The following SPAG5 variants were observed in gnomAD, a reference collection of about 807,000 sequenced individuals.
The protein encoded by SPAG5 is sperm associated antigen 5, also known as sperm-associated antigen 5.
A neutral mutation model predicts 145.4 loss-of-function variants in SPAG5; 99 were observed. The ratio of observed to expected loss-of-function variants is 0.68; its 90% CI spans 0.58 to 0.80. SPAG5 has a LOEUF of 0.80. Ranked by LOEUF, SPAG5 falls within the 30% of genes least tolerant of loss-of-function variation. The pLI, the probability that SPAG5 is intolerant of heterozygous loss-of-function variation, is 0.00. For synonymous variants in SPAG5, 477 were observed against 525.4 expected (o/e 0.91, Z 1.26); for missense variants, 1,192 against 1,416.0 (o/e 0.84, Z 2.54).
intron 10 of SPAG5, 151 bp from the exon 11 acceptor site, chr17:28,584,896 T>A (rs1006058663): frequency 1.3e-6 from 1 of 786,784 alleles, no homozygotes. Flanking sequence ...CAGGAAAAAG[T>A]AGAGACAGGA....
rs2070636616 is a variant in SPAG5, at chr17:28,593,193, G to A, written c.178-127C>T. The A allele has an allele frequency of 4.8e-6, 6 of 1,239,648 alleles. No individual in the cohort carries two copies. In the South Asian group the frequency reaches 7.6e-5, roughly 16 times the overall value. The allele number at this position is 1,239,648 out of a possible 1,614,324, so 76.8% of individuals were successfully genotyped here. On this transcript the variant is annotated intron_variant, in intron 2 of 23. Coordinates refer to ENST00000321765, the MANE Select transcript of SPAG5 (RefSeq NM_006461.4). ...ACTACCTCTGCTTAGGTAAGAACTT[G>A]GCTAATCTTTGTTGCTCATATAGAG...
Position 28,591,981 on chromosome 17 carries a change from C to T in SPAG5, c.1262+1G>A, listed in dbSNP as rs909345081. 2.5e-6 allele frequency: 4 copies of T among 1,613,338 alleles called. No individual in the cohort carries two copies. Among genetic ancestry groups the T allele is most frequent in the Non-Finnish European group, 3.4e-6 (4 of 1,179,516 alleles). ...AGGTGCAAGGACATAGGGGCGCTTA[C>T]CCACACAGGAGCTGCTCTGTCTCAG... On this transcript the variant is annotated splice_donor_variant, in intron 3 of 23. Transcript: ENST00000321765. LOFTEE classifies it high-confidence loss of function.
intron 4 of SPAG5, among the ~76,000 whole-genome samples, chr17:28,588,134 T>G (rs1470094262): frequency 6.6e-6 from 1 of 152,194 alleles, no homozygotes; most frequent in Non-Finnish European, 1.5e-5. Flanking sequence ...AGCAAAGCAG[T>G]TATCATTCAC....
chr17:28,590,369 C>T (rs2070612011), intron 4 of SPAG5, among the ~76,000 whole-genome samples: 1 of 152,060 alleles, frequency 6.6e-6, no homozygotes, highest in Non-Finnish European at 1.5e-5. Context: ...GCTGGGACTA[C>T]AGGCACACAC....
Position 28,591,731 on chromosome 17 carries a change from G to A in SPAG5, c.1404C>T (p.Asp468=), listed in dbSNP as rs2070621985. The change falls in exon 4 of 24, where the codon GAC becomes GAT. Residue 468 remains aspartate, a synonymous_variant. Coordinates refer to ENST00000321765, the MANE Select transcript of SPAG5 (RefSeq NM_006461.4). Reference sequence around the variant, plus strand: ...GAGATGTGTCAGTCTGTGTGCTACTGTCCTGGGTTTCTGGGTGAGGGACAG... The same window carrying A: ...GAGATGTGTCAGTCTGTGTGCTACTATCCTGGGTTTCTGGGTGAGGGACAG... ...QLAVPHPETQ[D]SSTQTDTSHS... The A allele has an allele frequency of 1.2e-6, 2 of 1,613,966 alleles. No individual in the cohort carries two copies. The highest frequency in any genetic ancestry group is 3.3e-5 in the Admixed American group (2 of 59,994).
rs370823173 is a variant in SPAG5, at chr17:28,591,738, G to A, written c.1397C>T (p.Thr466Ile). Residue 466 changes from threonine (T) to isoleucine (I), a missense_variant, in exon 4 of 24, where the codon ACC (threonine) becomes ATC (isoleucine). By Grantham distance (89) the Thr-to-Ile change is moderately conservative. Coordinates refer to ENST00000321765, the MANE Select transcript of SPAG5 (RefSeq NM_006461.4). ...KSQLAVPHPE[T>I]QDSSTQTDTS... Reference sequence around the variant, plus strand: ...GTCAGTCTGTGTGCTACTGTCCTGGGTTTCTGGGTGAGGGACAGCCAGCTG... The same window carrying A: ...GTCAGTCTGTGTGCTACTGTCCTGGATTTCTGGGTGAGGGACAGCCAGCTG... 120 of 1,614,014 alleles carry A rather than the reference G, an allele frequency of 7.4e-5. No individual in the cohort carries two copies. The highest frequency in any genetic ancestry group is 1.0e-4 in the Non-Finnish European group (118 of 1,180,046).
rs368632960 is a variant in SPAG5 at position 28,585,233 on chromosome 17, C to T, written c.1954-18G>A. The T allele has an allele frequency of 2.9e-5, 47 of 1,613,026 alleles. 2 individuals are homozygous for T. In the African/African-American group the frequency reaches 4.7e-4, roughly 16 times the overall value. On this transcript the variant is annotated intron_variant, in intron 9 of 23. Transcript: ENST00000321765. ...GTTGTATACTACCAGGGGAAGCAAG[C>T]AGGTCAGTAGAGCACACTTGAGGCA...
At chr17:28,586,270 T>A in intron 5 of SPAG5, 88 bp from the exon 6 acceptor site, 2 of 1,275,508 alleles carry the variant, frequency 1.6e-6, no homozygotes, top group Non-Finnish European at 2.3e-6. Context: ...CTAACCCCAA[T>A]TCCAAGCTCC....
At chr17:28,586,563 G>C in intron 4 of SPAG5, 64 bp from the exon 5 acceptor site, 1 of 1,365,546 alleles carries the variant, frequency 7.3e-7, no homozygotes, top group Non-Finnish European at 1.0e-6. Flanking sequence ...ACAGAGTCTT[G>C]CTCTATCATC....
At chr17:28,577,846 G>T in intron 23 of SPAG5, 76 bp from the exon 24 acceptor site, 1 of 1,338,818 alleles carries the variant, frequency 7.5e-7, no homozygotes, top group Non-Finnish European at 1.1e-6. Flanking sequence ...GGAGGCAGCC[G>T]CTGAATTAGA....
Position 28,585,122 on chromosome 17 carries a change from C to G in SPAG5, c.2047G>C (p.Ala683Pro). 6.2e-7 allele frequency: 1 copy of G among 1,614,182 alleles called. No homozygotes were observed. The highest frequency in any genetic ancestry group is 8.5e-7 in the Non-Finnish European group (1 of 1,180,012). Residue 683 changes from alanine (A) to proline (P), a missense_variant, in exon 10 of 24, where the codon GCA becomes CCA. Ala to Pro is a conservative substitution (Grantham distance 27). Coordinates refer to ENST00000321765, the MANE Select transcript of SPAG5 (RefSeq NM_006461.4). ...TGTACCTCCTGCTTTTCCTCAATTG[C>G]CACATCACGTTCCTGCAGGGCTTGC... ...SQQALQERDV[A>P]IEEKQEVSRV...
chr17:28,583,264 G>A (rs60853956), intron 15 of SPAG5, among the ~76,000 whole-genome samples: 2,193 of 152,330 alleles, frequency 0.014, 39 homozygotes, highest in African/African-American at 0.05. Flanking sequence ...GGAACAGCCA[G>A]AGTCTGGGTT....
chr17:28,583,070 C>T (rs2070558899), intron 15 of SPAG5, among the ~76,000 whole-genome samples: 4 of 152,166 alleles, frequency 2.6e-5, no homozygotes, highest in Admixed American at 2.6e-4. Context: ...CTCAACTTCC[C>T]AGGCTCAGGT....
At chr17:28,593,207 G>A in intron 2 of SPAG5, 141 bp from the exon 3 acceptor site, 1 of 1,126,662 alleles carries the variant, frequency 8.9e-7, no homozygotes, top group Non-Finnish European at 1.2e-6. Context: ...AATCTTTGTT[G>A]CTCATATAGA....
intron 4 of SPAG5, among the ~76,000 whole-genome samples, chr17:28,591,175 G>C (rs2070618867): frequency 6.6e-6 from 1 of 152,210 alleles, no homozygotes; most frequent in Non-Finnish European, 1.5e-5. Context: ...GGAAGATGAT[G>C]ATCTAAAAAC....
chr17:28,598,576 G>T lies in SPAG5; in HGVS notation c.111C>A (p.Thr37=), dbSNP rs1219524358. Residue 37 remains threonine (T), a synonymous_variant, in exon 2 of 24, where the codon ACC becomes ACA. Transcript: ENST00000321765. ...RELTLQPGAL[T]NSGKRSPACS... ...AAGCGGGGGATCTTTTTCCAGAGTTGGTGAGGGCACCGGGCTGCAGGGTAA... is the reference window on the plus strand; with the variant it reads ...AAGCGGGGGATCTTTTTCCAGAGTTTGTGAGGGCACCGGGCTGCAGGGTAA... 6.2e-7 allele frequency: 1 copy of T among 1,613,596 alleles called. No individual in the cohort carries two copies. Among genetic ancestry groups the T allele is most frequent in the African/African-American group, 1.3e-5 (1 of 74,864 alleles).
chr17:28,579,478 T>C lies in SPAG5; in HGVS notation c.2892A>G (p.Pro964=). The C allele has an allele frequency of 6.2e-7, 1 of 1,613,848 alleles. No individual in the cohort carries two copies. Among genetic ancestry groups the C allele is most frequent in the South Asian group, 1.1e-5 (1 of 91,044 alleles). ...SMVSLQPAET[P]GMEESLAEMS... ...TTTCTGCCAGGCTCTCCTCCATGCC[T>C]GGGGTCTCTGAAAGAGAAAGTCCCA... The change falls in exon 18 of 24, where the codon CCA becomes CCG. Residue 964 remains proline (P), a synonymous_variant. Transcript: ENST00000321765.
chr17:28,583,608 T>G lies in SPAG5; in HGVS notation c.2588A>C (p.Asp863Ala). ...ASTIADNQEQ[D>A]LEKTRQYSQK... The stretch of plus-strand genomic sequence containing the variant: ...AGAGTACTGCCGTGTTTTCTCCAGA[T>G]CTTGCTCCTGGTTATCTGCTATGGT... Residue 863 changes from aspartate to alanine, a missense_variant, in exon 15 of 24, where the codon GAT (aspartate) becomes GCT (alanine). Asp to Ala is a moderately radical substitution (Grantham distance 126). Transcript: ENST00000321765. 6.2e-7 allele frequency: 1 copy of G among 1,613,546 alleles called. No homozygotes were observed. Among genetic ancestry groups the G allele is most frequent in the Non-Finnish European group, 8.5e-7 (1 of 1,179,868 alleles).
At chr17:28,590,115 C>G (rs1249696607) in intron 4 of SPAG5, among the ~76,000 whole-genome samples, 2 of 152,142 alleles carry the variant, frequency 1.3e-5, no homozygotes, top group East Asian at 3.8e-4. Flanking sequence ...ACATGCTCGG[C>G]AAAATTTAAT....
Sources: allele counts gnomAD v4.1 joint callset (sites outside exome capture counted in the v4.1 genomes callset), GRCh38; gene constraint gnomAD v4.1.1; transcripts MANE v1.5; gene names NCBI Gene and HGNC (gene_info 2026-07-23, HGNC 2026-07-21).